SORCS3: variants seen among roughly 807,000 people sequenced by gnomAD.
SORCS3 encodes the protein VPS10 domain-containing receptor SorCS3.
SORCS3 carries 57 observed loss-of-function variants against 146.3 expected under a neutral mutation model. The ratio of observed to expected loss-of-function variants is 0.39; its 90% CI spans 0.31 to 0.49. SORCS3 has a LOEUF of 0.49. SORCS3 is among the 20% of genes least tolerant of loss of function. The pLI, the probability that SORCS3 is intolerant of heterozygous loss-of-function variation, is 0.92. For synonymous variants in SORCS3, 653 were observed against 618.5 expected (o/e 1.06, Z -0.83); for missense variants, 1,341 against 1,575.5 (o/e 0.85, Z 2.52).
intron 1 of SORCS3, among the ~76,000 whole-genome samples, chr10:104,751,377 A>G (rs1197097403): frequency 6.6e-6 from 1 of 152,104 alleles, no homozygotes; most frequent in Non-Finnish European, 1.5e-5. Context: ...AAATGGGGAT[A>G]CTCTAAACAT....
intron 1 of SORCS3, among the ~76,000 whole-genome samples, chr10:104,801,262 AG>A (rs1369698920): frequency 6.6e-6 from 1 of 152,214 alleles, no homozygotes; most frequent in Non-Finnish European, 1.5e-5. Flanking sequence ...CTACTAAGTT[AG>A]GGCACAGTCA....
chr10:104,758,789 C>T (rs1421243269), intron 1 of SORCS3, among the ~76,000 whole-genome samples: 1 of 152,144 alleles, frequency 6.6e-6, no homozygotes, highest in Non-Finnish European at 1.5e-5. Flanking sequence ...CTTCTCCAGC[C>T]CCAGAGTTCA....
intron 1 of SORCS3, among the ~76,000 whole-genome samples, chr10:104,813,289 T>C (rs1275540155): frequency 6.6e-6 from 1 of 152,230 alleles, no homozygotes; most frequent in East Asian, 1.9e-4. Flanking sequence ...TGACTTCACA[T>C]TGTGAAAGGT....
chr10:105,078,515 G>GA (rs924087126), intron 5 of SORCS3, among the ~76,000 whole-genome samples: 9 of 150,630 alleles, frequency 6.0e-5, no homozygotes, highest in South Asian at 2.1e-4. Context: ...TTCCTCATCT[G>GA]AAAAAAAAGA....
At chr10:105,138,042 T>C (rs1163151850) in intron 7 of SORCS3, among the ~76,000 whole-genome samples, 1 of 152,190 alleles carries the variant, frequency 6.6e-6, no homozygotes, top group East Asian at 1.9e-4. Context: ...CACAACAATA[T>C]AGATTCAGAA....
chr10:104,937,978 C>T (rs1185942379), intron 3 of SORCS3, among the ~76,000 whole-genome samples: 1 of 152,128 alleles, frequency 6.6e-6, no homozygotes, highest in Admixed American at 6.5e-5. Context: ...AGACGCTTGA[C>T]CTGGTGAAGG....
chr10:105,118,853 G>C (rs531723201), intron 7 of SORCS3, among the ~76,000 whole-genome samples: 1 of 152,178 alleles, frequency 6.6e-6, no homozygotes, highest in South Asian at 2.1e-4. Context: ...AAACGTTCAA[G>C]AGAAAGCAGA....
At chr10:104,708,406 C>T (rs978344846) in intron 1 of SORCS3, among the ~76,000 whole-genome samples, 11 of 152,316 alleles carry the variant, frequency 7.2e-5, no homozygotes, top group African/African-American at 1.7e-4. Flanking sequence ...CCTGGCCCTC[C>T]TTTCTCCCAA....
chr10:104,952,511 T>C lies in SORCS3; in HGVS notation c.796-24824T>C, dbSNP rs1322653931. Among the ~76,000 whole-genome samples the C allele has an allele frequency of 2.6e-5, 4 of 152,208 alleles. No individual in the cohort carries two copies. In the East Asian group the frequency reaches 5.8e-4, roughly 22 times the overall value. Reference sequence around the variant, plus strand: ...GTTTGAAACGCATTACTCGAAATTATGTATTTTCTCTCTGTAGTCTTATAT... The same window carrying C: ...GTTTGAAACGCATTACTCGAAATTACGTATTTTCTCTCTGTAGTCTTATAT... On this transcript the variant is annotated intron_variant, in intron 3 of 26. Coordinates refer to ENST00000369701, the MANE Select transcript of SORCS3 (RefSeq NM_014978.3).
At chr10:104,708,714 A>G (rs1445169039) in intron 1 of SORCS3, among the ~76,000 whole-genome samples, 2 of 152,056 alleles carry the variant, frequency 1.3e-5, no homozygotes, top group African/African-American at 4.8e-5. Context: ...GGCCTCTGGC[A>G]TTAACTTGGG....
At chr10:104,923,817 C>G (rs1205270170) in intron 3 of SORCS3, among the ~76,000 whole-genome samples, 1 of 152,160 alleles carries the variant, frequency 6.6e-6, no homozygotes, top group Non-Finnish European at 1.5e-5. Flanking sequence ...GCAAAGAAGT[C>G]TCTGTTAGTG....
At chr10:105,186,306 T>A (rs1455557019) in intron 14 of SORCS3, among the ~76,000 whole-genome samples, 1 of 152,206 alleles carries the variant, frequency 6.6e-6, no homozygotes, top group Non-Finnish European at 1.5e-5. Context: ...TTCTGTAAGA[T>A]TGAGGAGGCT....
At chr10:104,651,727 A>T in intron 1 of SORCS3, among the ~76,000 whole-genome samples, 1 of 151,980 alleles carries the variant, frequency 6.6e-6, no homozygotes, top group East Asian at 1.9e-4. Context: ...AAGAATGTTA[A>T]TTCTCATTTG....
At chr10:105,052,139 G>A (rs769971320) in intron 5 of SORCS3, among the ~76,000 whole-genome samples, 1 of 152,184 alleles carries the variant, frequency 6.6e-6, no homozygotes, top group Non-Finnish European at 1.5e-5. Flanking sequence ...GTTATGTGAG[G>A]TAGGAGGCAT....
rs1402648808 is a variant in SORCS3, at chr10:105,159,005, C to T, written c.1732+11C>T. 3.2e-6 allele frequency: 5 copies of T among 1,571,482 alleles called. No homozygotes were observed. The highest frequency in any genetic ancestry group is 4.4e-6 in the Non-Finnish European group (5 of 1,143,252). On this transcript the variant is annotated intron_variant, in intron 11 of 26. Transcript: ENST00000369701. ...TTGTGGTGGCTACAGGTAAGAAAAA[C>T]ATTCCCTGTGCTTCTTCCTTACTGA...
At chr10:105,016,155 A>ATATATATATATATATATATATATT (rs71482443) in intron 4 of SORCS3, among the ~76,000 whole-genome samples, 3 of 101,320 alleles carry the variant, frequency 3.0e-5, no homozygotes, top group African/African-American at 9.7e-5. Flanking sequence ...ATATATATAT[A>ATATATATATATATATATATATATT]TTTTTTTTTT....
intron 1 of SORCS3, among the ~76,000 whole-genome samples, chr10:104,643,717 T>A (rs907543063): frequency 6.6e-6 from 1 of 151,172 alleles, no homozygotes; most frequent in East Asian, 1.9e-4. Flanking sequence ...AGGGTGTGTG[T>A]GTGTGTGTGT....
chr10:105,230,488 T>C (rs1054167153), intron 20 of SORCS3, among the ~76,000 whole-genome samples: 3 of 152,184 alleles, frequency 2.0e-5, no homozygotes, highest in African/African-American at 7.2e-5. Flanking sequence ...ATATTTCACT[T>C]GCACTTCAGC....
chr10:105,060,636 G>A (rs900504972), intron 5 of SORCS3, among the ~76,000 whole-genome samples: 6 of 152,086 alleles, frequency 3.9e-5, no homozygotes, highest in African/African-American at 1.2e-4. Context: ...GATGTGGTTT[G>A]CAATTTAAAA....
Sources: gnomAD v4.1 joint callset for allele counts (sites outside exome capture counted in the v4.1 genomes callset) on GRCh38, gnomAD v4.1.1 for gene constraint, MANE v1.5 for transcripts, NCBI Gene and HGNC (gene_info 2026-07-23, HGNC 2026-07-21) for gene names.